Variants in WDPCP observed in about 807,000 individuals in gnomAD.
The protein encoded by WDPCP is WD repeat containing planar cell polarity effector, also known as WD repeat-containing and planar cell polarity effector protein fritz homolog.
In WDPCP, 71 loss-of-function variants were observed where a neutral mutation model predicts 93.1. The ratio of observed to expected loss-of-function variants is 0.76; its 90% CI spans 0.63 to 0.93. WDPCP has a LOEUF of 0.93. Ranked by LOEUF, WDPCP falls within the 40% of genes least tolerant of loss-of-function variation. The pLI, the probability that WDPCP is intolerant of heterozygous loss-of-function variation, is 0.00. For synonymous variants in WDPCP, 315 were observed against 315.0 expected (o/e 1.00, Z 0.00); for missense variants, 844 against 887.4 (o/e 0.95, Z 0.62).
chr2:63,362,277 T>TTGGGGGTGTGTGTGTG (rs1553362983), intron 12 of WDPCP, among the ~76,000 whole-genome samples: 13 of 94,108 alleles, frequency 1.4e-4, no homozygotes, highest in African/African-American at 1.8e-4. Context: ...TTTTTTTTGG[T>TTGGGGGTGTGTGTGTG]TGTGTGTGTG....
chr2:63,380,734 A>G (rs185190952), intron 11 of WDPCP, among the ~76,000 whole-genome samples: 4 of 152,280 alleles, frequency 2.6e-5, no homozygotes, highest in Admixed American at 1.3e-4. Context: ...ATAAAAAAAG[A>G]AAAATATCGG....
chr2:63,168,107 CAAAAAAAAAAAAA>C, intron 15 of WDPCP, among the ~76,000 whole-genome samples: 1 of 53,524 alleles, frequency 1.9e-5, no homozygotes, highest in South Asian at 6.9e-4. Flanking sequence ...GAGACCCTGC[CAAAAAAAAAAAAA>C]AAAAAAAAGG....
At chr2:63,335,893 A>C (rs1447896252) in intron 12 of WDPCP, among the ~76,000 whole-genome samples, 1 of 152,128 alleles carries the variant, frequency 6.6e-6, no homozygotes, top group African/African-American at 2.4e-5. Flanking sequence ...GTCAGACAAA[A>C]CCTGCCAAAA....
At chr2:63,551,894 T>C (rs912127669) in intron 1 of WDPCP, among the ~76,000 whole-genome samples, 2 of 151,160 alleles carry the variant, frequency 1.3e-5, no homozygotes, top group African/African-American at 4.9e-5. Context: ...TCACAGTCTT[T>C]CCTTCTTAAA....
At chr2:63,432,422 C>T (rs1413117696) in intron 9 of WDPCP, among the ~76,000 whole-genome samples, 3 of 152,100 alleles carry the variant, frequency 2.0e-5, no homozygotes, top group East Asian at 1.9e-4. Context: ...TTGGCAGACA[C>T]TAAGATCCTT....
At chr2:63,210,473 G>A (rs1395432779) in intron 14 of WDPCP, among the ~76,000 whole-genome samples, 5 of 152,170 alleles carry the variant, frequency 3.3e-5, no homozygotes, top group African/African-American at 1.2e-4. Context: ...TAATGTAGGG[G>A]GAAGTTCCAA....
intron 2 of WDPCP, among the ~76,000 whole-genome samples, chr2:63,715,765 G>T (rs1669328577): frequency 6.6e-6 from 1 of 152,118 alleles, no homozygotes; most frequent in Non-Finnish European, 1.5e-5. Context: ...ATAAAGTCAA[G>T]AATTCTCTAC....
chr2:63,532,268 C>A (rs1161179070), intron 1 of WDPCP, among the ~76,000 whole-genome samples: 2 of 152,136 alleles, frequency 1.3e-5, no homozygotes, highest in Non-Finnish European at 2.9e-5. Flanking sequence ...GGAGATGGAA[C>A]CAAGCTGGAA....
At chr2:63,770,418 T>C (rs1385903556) in intron 2 of WDPCP, among the ~76,000 whole-genome samples, 1 of 151,938 alleles carries the variant, frequency 6.6e-6, no homozygotes, top group Admixed American at 6.6e-5. Flanking sequence ...CTAAAGGAAG[T>C]GTTAAAGTGA....
intron 1 of WDPCP, among the ~76,000 whole-genome samples, chr2:63,537,394 A>C (rs1178691372): frequency 6.6e-6 from 1 of 152,202 alleles, no homozygotes; most frequent in Non-Finnish European, 1.5e-5. Context: ...CATTGTTGCC[A>C]GGGCAATTTT....
In WDPCP at chr2:63,785,008, C is replaced by T. The variant is rs1032766223; in HGVS notation, n.308+28614G>A. 5.3e-5 allele frequency among the ~76,000 whole-genome samples: 8 copies of T among 152,128 alleles called. 1 individual carries two copies. The highest frequency in any genetic ancestry group is 6.3e-3 in the Middle Eastern group (2 of 316). The stretch of plus-strand genomic sequence containing the variant: ...TATATACAGAGCTTGGCTACGCTTA[C>T]GCTATGAGAGTTCAATAAATGACAA... On this transcript the variant is annotated intron_variant and non_coding_transcript_variant, in intron 2 of 4. Transcript: ENST00000467687.
intron 15 of WDPCP, among the ~76,000 whole-genome samples, chr2:63,157,096 G>A (rs1308561321): frequency 6.7e-6 from 1 of 148,982 alleles, no homozygotes; most frequent in African/African-American, 2.5e-5. Context: ...TGTCAGACAT[G>A]CGTTTTGTAC....
intron 2 of WDPCP, among the ~76,000 whole-genome samples, chr2:63,695,597 G>A (rs1038628735): frequency 2.6e-5 from 4 of 152,160 alleles, no homozygotes; most frequent in African/African-American, 9.7e-5. Flanking sequence ...CTTAAGAGAG[G>A]TGGATCTCCT....
At chr2:63,746,014 T>G in intron 2 of WDPCP, among the ~76,000 whole-genome samples, 1 of 152,192 alleles carries the variant, frequency 6.6e-6, no homozygotes, top group East Asian at 1.9e-4. Context: ...CATGTTTTCA[T>G]ATGTTTATGG....
At chr2:63,638,136 T>C (rs983757641) in intron 3 of WDPCP, among the ~76,000 whole-genome samples, 5 of 152,178 alleles carry the variant, frequency 3.3e-5, no homozygotes, top group East Asian at 3.9e-4. Context: ...GTGGTTGCCA[T>C]GGACTGGAGC....
chr2:63,370,010 G>A (rs1691246344), intron 12 of WDPCP, among the ~76,000 whole-genome samples: 1 of 152,092 alleles, frequency 6.6e-6, no homozygotes, highest in Non-Finnish European at 1.5e-5. Flanking sequence ...CACCCAATTA[G>A]CTATGAAAGG....
chr2:63,158,478 C>G (rs1299818188), intron 15 of WDPCP, among the ~76,000 whole-genome samples: 1 of 152,136 alleles, frequency 6.6e-6, no homozygotes, highest in African/African-American at 2.4e-5. Flanking sequence ...TCCTTCTTTG[C>G]TGGTGTCCCA....
At chr2:63,589,244 TG>T, upstream of WDPCP, 1 of 1,554,364 alleles carries the variant, frequency 6.4e-7, no homozygotes, top group Non-Finnish European at 8.7e-7. Flanking sequence ...TTGCGGGGTA[TG>T]GGGCGCTCTT....
At chr2:63,367,811 T>TAAAC (rs1443631112) in intron 12 of WDPCP, among the ~76,000 whole-genome samples, 1 of 152,224 alleles carries the variant, frequency 6.6e-6, no homozygotes, top group Non-Finnish European at 1.5e-5. Context: ...GCTTTAGTTT[T>TAAAC]AAACAATTTT....
Sources: allele counts gnomAD v4.1 joint callset (sites outside exome capture counted in the v4.1 genomes callset), GRCh38; gene constraint gnomAD v4.1.1; transcripts MANE v1.5; gene names NCBI Gene and HGNC (gene_info 2026-07-23, HGNC 2026-07-21).